Variants in SRD5A2 observed in about 807,000 individuals in gnomAD.
SRD5A2 encodes steroid 5 alpha-reductase 2.
Under a neutral mutation model 27.4 loss-of-function variants are expected in SRD5A2, and 30 were observed. That is an observed-to-expected ratio of 1.10 (90% confidence interval 0.82 to 1.49). The LOEUF is 1.49. Ranked by LOEUF, SRD5A2 falls within the 40% of genes most tolerant of loss-of-function variation. The pLI, the probability that SRD5A2 is intolerant of heterozygous loss-of-function variation, is 0.00. For missense variants in SRD5A2, 348 were observed against 323.4 expected, an observed-to-expected ratio of 1.08 and a Z score of -0.58; for synonymous variants, 141 against 133.6, an observed-to-expected ratio of 1.06 and a Z score of -0.38.
At chr2:31,572,535 T>C (rs1666873221) in intron 1 of SRD5A2, among the ~76,000 whole-genome samples, 1 of 152,218 alleles carries the variant, frequency 6.6e-6, no homozygotes, top group African/African-American at 2.4e-5. Flanking sequence ...GCTAAGTTTA[T>C]ACCTGGCAAA....
chr2:31,559,668 GGC>G (rs1175807559), intron 1 of SRD5A2, among the ~76,000 whole-genome samples: 88 of 152,154 alleles, frequency 5.8e-4, no homozygotes, highest in African/African-American at 2.1e-3. Context: ...AGAAAAAGGA[GGC>G]AAATGAAAAT....
At chr2:31,641,771 C>A in the SRD5A2 span, among the ~76,000 whole-genome samples, 1 of 151,808 alleles carries the variant, frequency 6.6e-6, no homozygotes, top group Non-Finnish European at 1.5e-5. Context: ...AAGATCCATT[C>A]CTGGGGGAAA....
the SRD5A2 span, among the ~76,000 whole-genome samples, chr2:31,649,579 A>G: frequency 6.6e-6 from 1 of 152,084 alleles, no homozygotes; most frequent in African/African-American, 2.4e-5. Flanking sequence ...TATAATAGGA[A>G]ACTACTGGGA....
At chr2:31,632,086 A>C in the SRD5A2 span, among the ~76,000 whole-genome samples, 1 of 152,142 alleles carries the variant, frequency 6.6e-6, no homozygotes, top group South Asian at 2.1e-4. Context: ...GGATAAGTTT[A>C]TCACTCAGTC....
the SRD5A2 span, among the ~76,000 whole-genome samples, chr2:31,604,392 CAATTT>C: frequency 3.3e-5 from 5 of 151,642 alleles, no homozygotes; most frequent in East Asian, 9.6e-4. Flanking sequence ...AAATTAAAAA[CAATTT>C]AATTTACAAA....
At chr2:31,659,203 T>C in the SRD5A2 span, among the ~76,000 whole-genome samples, 123 of 152,320 alleles carry the variant, frequency 8.1e-4, no homozygotes, top group South Asian at 3.3e-3. Flanking sequence ...GAGCCATCTA[T>C]GATAAACCCA....
chr2:31,610,297 A>G, the SRD5A2 span, among the ~76,000 whole-genome samples: 5 of 152,194 alleles, frequency 3.3e-5, no homozygotes, highest in South Asian at 8.3e-4. Context: ...AGCAAACTAA[A>G]TTCATCAGGA....
the SRD5A2 span, among the ~76,000 whole-genome samples, chr2:31,653,613 G>C: frequency 6.6e-6 from 1 of 152,148 alleles, no homozygotes; most frequent in Non-Finnish European, 1.5e-5. Flanking sequence ...TTGTCCTCTT[G>C]CAAGGAGACA....
the SRD5A2 span, among the ~76,000 whole-genome samples, chr2:31,662,908 G>A: frequency 3.9e-5 from 6 of 152,034 alleles, no homozygotes; most frequent in African/African-American, 7.2e-5. Context: ...TGGAGTTTAC[G>A]TGTCACTCTG....
the SRD5A2 span, among the ~76,000 whole-genome samples, chr2:31,613,712 C>G: frequency 6.6e-6 from 1 of 152,048 alleles, no homozygotes; most frequent in Non-Finnish European, 1.5e-5. Flanking sequence ...GAGACATACC[C>G]AAGACTGGGT....
intron 1 of SRD5A2, among the ~76,000 whole-genome samples, chr2:31,544,381 A>G (rs1050724712): frequency 3.3e-5 from 5 of 152,044 alleles, no homozygotes; most frequent in Non-Finnish European, 7.4e-5. Context: ...GGATAAAGTT[A>G]GAAATCAATA....
At chr2:31,639,609 G>A in the SRD5A2 span, among the ~76,000 whole-genome samples, 1 of 151,756 alleles carries the variant, frequency 6.6e-6, no homozygotes, top group Non-Finnish European at 1.5e-5. Flanking sequence ...TAATTTTGCT[G>A]GATACCATTT....
chr2:31,643,209 T>A, the SRD5A2 span, among the ~76,000 whole-genome samples: 1 of 152,174 alleles, frequency 6.6e-6, no homozygotes, highest in South Asian at 2.1e-4. Flanking sequence ...TTTAATATAA[T>A]TGTTACATTT....
At position 31,524,834 on chromosome 2, in the gene SRD5A2, C is replaced by T. The variant is rs915395136; in HGVS notation, c.*1362G>A. 2.2e-5 allele frequency: 5 copies of T among 226,768 alleles called. No homozygotes were observed. The highest frequency in any genetic ancestry group is 8.9e-5 in the African/African-American group (4 of 44,902). 14.0% of individuals were successfully genotyped at this position (226,768 alleles called of 1,614,324 possible). On this transcript the variant is annotated 3_prime_UTR_variant, in exon 5 of 5. Transcript: ENST00000622030. ...GTATTCCAATTACAAGCGTTCGGCC[C>T]CTTCCTTAGAGAGTCCATATCTCAG...
At chr2:31,538,527 C>T (rs1666070119) in intron 1 of SRD5A2, among the ~76,000 whole-genome samples, 1 of 152,154 alleles carries the variant, frequency 6.6e-6, no homozygotes, top group Admixed American at 6.5e-5. Flanking sequence ...ATATAGCAGA[C>T]CAATAAAGCT....
the SRD5A2 span, among the ~76,000 whole-genome samples, chr2:31,624,844 G>C: frequency 6.6e-6 from 1 of 152,146 alleles, no homozygotes; most frequent in African/African-American, 2.4e-5. Flanking sequence ...CTTTACAGTA[G>C]CATGATTTAT....
chr2:31,543,623 A>G (rs1666181993), intron 1 of SRD5A2, among the ~76,000 whole-genome samples: 1 of 152,176 alleles, frequency 6.6e-6, no homozygotes. Context: ...ATTAACAATC[A>G]AAGAGAGATG....
rs541495917 is a variant in SRD5A2 at position 31,568,803 on chromosome 2, C to A, written c.281+11817G>T. 9.2e-5 allele frequency among the ~76,000 whole-genome samples: 14 copies of A among 152,362 alleles called. No individual in the cohort carries two copies. In the South Asian group the frequency reaches 2.9e-3, roughly 32 times the overall value. On this transcript the variant is annotated intron_variant, in intron 1 of 4. Coordinates refer to ENST00000622030, the MANE Select transcript of SRD5A2 (RefSeq NM_000348.4). ...AGCCACCCTCAGCCCCCACTTGCCC[C>A]TCCTCCCATGCTCATCAGCACCCAA... is the stretch of plus-strand genomic sequence containing the variant.
At chr2:31,615,033 C>G in the SRD5A2 span, among the ~76,000 whole-genome samples, 2 of 152,070 alleles carry the variant, frequency 1.3e-5, no homozygotes, top group African/African-American at 4.8e-5. Context: ...GTAAGACATG[C>G]CTTTCATCTT....
Sources: allele counts gnomAD v4.1 joint callset (sites outside exome capture counted in the v4.1 genomes callset), GRCh38; gene constraint gnomAD v4.1.1; transcripts MANE v1.5; gene names NCBI Gene and HGNC (gene_info 2026-07-23, HGNC 2026-07-21).